The following FSCN2 variants were observed in gnomAD, a reference collection of about 807,000 sequenced individuals.
FSCN2 encodes the protein fascin-2.
FSCN2 carries 46 observed loss-of-function variants against 37.8 expected under a neutral mutation model. The observed-to-expected ratio is 1.22, with a 90% confidence interval of 0.96 to 1.56. The LOEUF (loss-of-function observed/expected upper bound fraction) is 1.56. Among genes scored for constraint, FSCN2 ranks in the 40% most tolerant of loss-of-function variants. The pLI, the probability that FSCN2 is intolerant of heterozygous loss-of-function variation, is 0.00. For synonymous variants in FSCN2, 351 were observed against 309.4 expected (o/e 1.13, Z -1.41); for missense variants, 844 against 730.4 (o/e 1.16, Z -1.79).
intron 1 of FSCN2, among the ~76,000 whole-genome samples, chr17:81,531,336 A>ATGGTGG (rs1555671268): frequency 4.4e-5 from 2 of 45,422 alleles, no homozygotes; most frequent in Admixed American, 1.9e-4. Context: ...GGTGGTGGTG[A>ATGGTGG]TGGTGGTGGT....
At chr17:81,534,983 A>G (rs1188793792) in intron 1 of FSCN2, 69 bp from the exon 2 acceptor site, 3 of 1,272,160 alleles carry the variant, frequency 2.4e-6, no homozygotes, top group Admixed American at 2.9e-5. Flanking sequence ...GGTGCCCCCC[A>G]AAATATGCCC....
At chr17:81,521,475 C>T in the FSCN2 span, among the ~76,000 whole-genome samples, 1 of 152,060 alleles carries the variant, frequency 6.6e-6, no homozygotes, top group South Asian at 2.1e-4. Flanking sequence ...GCAAACTTCC[C>T]ACCTCAGCCC....
chr17:81,531,243 A>G lies in FSCN2; in HGVS notation c.826+1886A>G, dbSNP rs1482222156. On this transcript the variant is annotated intron_variant, in intron 1 of 4. Transcript: ENST00000417245. Reference sequence around the variant, plus strand: ...GATGGTGATAATGGTGATGGTGGTGATGATGGTGATGGTGATGATGGTGGT... The same window carrying G: ...GATGGTGATAATGGTGATGGTGGTGGTGATGGTGATGGTGATGATGGTGGT... Among the ~76,000 whole-genome samples the G allele has an allele frequency of 2.3e-3, 150 of 66,526 alleles. No individual in the cohort carries two copies. The Middle Eastern group carries it at 0.05, about 22-fold the overall frequency. 43.6% of individuals were successfully genotyped at this position (66,526 alleles called of 152,430 possible).
At chr17:81,529,551 A>AC in intron 1 of FSCN2, 194 bp downstream of exon 1, 2 of 760,232 alleles carry the variant, frequency 2.6e-6, no homozygotes, top group Non-Finnish European at 4.8e-6. Flanking sequence ...TGCCCAGGCG[A>AC]CCCCCACTGA....
At position 81,535,220 on chromosome 17, in the gene FSCN2, C is replaced by T. The variant is rs1322408705; in HGVS notation, c.983+12C>T. Reference sequence around the variant, plus strand: ...ACAGCCACACAAGTGTGAGTGCACACATCCCTTCCTCCTCCATCATCCCCA... The same window carrying T: ...ACAGCCACACAAGTGTGAGTGCACATATCCCTTCCTCCTCCATCATCCCCA... On this transcript the variant is annotated intron_variant, in intron 2 of 4. Transcript: ENST00000417245. 1 of 1,519,652 alleles carries T rather than the reference C, an allele frequency of 6.6e-7. No homozygotes were observed. Among genetic ancestry groups the T allele is most frequent in the Non-Finnish European group, 8.8e-7 (1 of 1,135,998 alleles). 94.1% of individuals were successfully genotyped at this position (1,519,652 alleles called of 1,614,324 possible).
At chr17:81,531,420 ATAG>A (rs2032582211) in intron 1 of FSCN2, among the ~76,000 whole-genome samples, 3 of 29,900 alleles carry the variant, frequency 1.0e-4, no homozygotes, top group African/African-American at 2.8e-4. Flanking sequence ...GGTGGTGGTG[ATAG>A]TGATGATGGA....
rs782741672 is a variant in FSCN2 at position 81,528,839 on chromosome 17, G to C, written c.308G>C (p.Arg103Pro). Residue 103 changes from arginine (R) to proline (P), a missense_variant, in exon 1 of 5, where the codon CGG (arginine) becomes CCG (proline). Arg to Pro is a moderately radical substitution (Grantham distance 103). Transcript: ENST00000417245. ...LPQPDGRWVLRSEPHGRFFGG... is the reference protein window; with the variant it reads ...LPQPDGRWVLPSEPHGRFFGG... The stretch of plus-strand genomic sequence containing the variant: ...CAGCCAGATGGGCGCTGGGTGCTGC[G>C]GTCCGAGCCGCACGGCCGCTTCTTC... 1.9e-6 allele frequency: 3 copies of C among 1,554,868 alleles called. No individual in the cohort carries two copies. The highest frequency in any genetic ancestry group is 2.6e-6 in the Non-Finnish European group (3 of 1,152,300).
At position 81,535,067 on chromosome 17, in the gene FSCN2, C is replaced by T; in HGVS notation, c.842C>T (p.Ala281Val). ...CTCCCTCCAGGGGTCAACGTCTCAG[C>T]CAATCAGGATGATGAACTAGACCAC... is the stretch of plus-strand genomic sequence containing the variant. ...VSVRQGVNVS[A>V]NQDDELDHET... The change falls in exon 2 of 5, where the codon GCC becomes GTC. Residue 281 changes from alanine (A) to valine (V), a missense_variant. Transcript: ENST00000417245. 4.6e-6 allele frequency: 7 copies of T among 1,531,750 alleles called. No individual in the cohort carries two copies. The highest frequency in any genetic ancestry group is 6.1e-6 in the Non-Finnish European group (7 of 1,144,304). 94.9% of individuals were successfully genotyped at this position (1,531,750 alleles called of 1,614,324 possible). A position where few individuals can be genotyped will look rare whatever the true frequency, so the allele number is the denominator to read the frequency against.
chr17:81,527,656 C>T (rs1849360918), upstream of FSCN2: 1 of 152,388 alleles, frequency 6.6e-6, no homozygotes, highest in South Asian at 2.1e-4. Context: ...TGAAGTGAGG[C>T]TGGCTTCACT....
At chr17:81,534,866 G>A (rs1182276244) in intron 1 of FSCN2, among the ~76,000 whole-genome samples, 186 bp from the exon 2 acceptor site, 1 of 151,792 alleles carries the variant, frequency 6.6e-6, no homozygotes, top group Non-Finnish European at 1.5e-5. Context: ...AGGGTCCACA[G>A]ACGGCACATA....
upstream of FSCN2, among the ~76,000 whole-genome samples, chr17:81,526,664 A>G (rs2032360751): frequency 6.6e-6 from 1 of 152,212 alleles, no homozygotes; most frequent in African/African-American, 2.4e-5. Context: ...TGGGAAAGTG[A>G]GGTGCAGGCA....
intron 1 of FSCN2, 109 bp downstream of exon 1, chr17:81,529,466 A>G: frequency 1.1e-6 from 1 of 930,056 alleles, no homozygotes; most frequent in Non-Finnish European, 1.7e-6. Flanking sequence ...GTGCGTTCAC[A>G]TGTCTGTTCT....
upstream of FSCN2, chr17:81,527,837 C>G (rs782356068): frequency 3.3e-5 from 5 of 152,890 alleles, no homozygotes; most frequent in Admixed American, 2.0e-4. Flanking sequence ...CAGTCCAGTG[C>G]GTCATTCTGG....
the FSCN2 span, among the ~76,000 whole-genome samples, chr17:81,517,652 G>T: frequency 1.3e-5 from 2 of 152,108 alleles, no homozygotes; most frequent in African/African-American, 4.8e-5. Context: ...CGAGAAGAAG[G>T]CTCCTTTCCC....
In FSCN2 at chr17:81,529,966, C is replaced by T. The variant is rs575366013; in HGVS notation, c.826+609C>T. On this transcript the variant is annotated intron_variant, in intron 1 of 4. Transcript: ENST00000417245. ...CTGGGACTACAGGCGCCCGCCACCA[C>T]GCCCGGCTAATTTTTTGTATTTTTT... is the stretch of plus-strand genomic sequence containing the variant. Among the ~76,000 whole-genome samples, 5 of 152,308 alleles carry T rather than the reference C, an allele frequency of 3.3e-5. No homozygotes were observed. In the South Asian group the frequency reaches 6.2e-4, roughly 19 times the overall value.
At chr17:81,535,283 CA>C (rs1170418407) in intron 2 of FSCN2, 75 bp downstream of exon 2, 2 of 954,278 alleles carry the variant, frequency 2.1e-6, no homozygotes, top group African/African-American at 3.7e-5. Context: ...CCATCCCCAC[CA>C]TCCGCATCCC....
rs1555670589 is a variant in FSCN2 at position 81,528,748 on chromosome 17, G to A, written c.217G>A (p.Glu73Lys). Reference sequence around the variant, plus strand: ...CCTGGGCCGCTACCTGTCGGCAGAAGAGGACGGGCGCGTGGCCTGTGAGGC... The same window carrying A: ...CCTGGGCCGCTACCTGTCGGCAGAAAAGGACGGGCGCGTGGCCTGTGAGGC... The part of the protein sequence containing the change: ...SHLGRYLSAE[E>K]DGRVACEAEQ... Residue 73 changes from glutamate to lysine, a missense_variant, in exon 1 of 5, where the codon GAG becomes AAG. Transcript: ENST00000417245. The A allele has an allele frequency of 1.3e-6, 2 of 1,589,036 alleles. No homozygotes were observed. Among genetic ancestry groups the A allele is most frequent in the Non-Finnish European group, 1.7e-6 (2 of 1,169,134 alleles).
the FSCN2 span, among the ~76,000 whole-genome samples, chr17:81,515,096 G>T: frequency 7.9e-5 from 12 of 151,932 alleles, no homozygotes; most frequent in African/African-American, 2.7e-4. Flanking sequence ...ACGGCGGCGG[G>T]GATGCGGGTC....
the FSCN2 span, among the ~76,000 whole-genome samples, chr17:81,517,986 G>A: frequency 0.06 from 9,188 of 152,098 alleles, 582 homozygotes; most frequent in African/African-American, 0.16. Flanking sequence ...CTGGCAGTGC[G>A]CGTCCTGCAA....
Sources: allele counts gnomAD v4.1 joint callset (sites outside exome capture counted in the v4.1 genomes callset), GRCh38; gene constraint gnomAD v4.1.1; transcripts MANE v1.5; gene names NCBI Gene and HGNC (gene_info 2026-07-23, HGNC 2026-07-21).